VPS13B: variants seen among roughly 807,000 people sequenced by gnomAD.
VPS13B encodes vacuolar protein sorting 13 homolog B.
Under a neutral mutation model 426.4 loss-of-function variants are expected in VPS13B, and 285 were observed. The observed-to-expected ratio is 0.67, with a 90% CI of 0.61 to 0.74. The LOEUF (loss-of-function observed/expected upper bound fraction) is 0.74, where lower values mean the gene tolerates loss of function less well. Ranked by LOEUF, VPS13B falls within the 30% of genes least tolerant of loss-of-function variation. The pLI is 0.00. For missense variants in VPS13B, 4,537 were observed against 4,782.6 expected (o/e 0.95, Z 1.51); for synonymous variants, 1,676 against 1,676.4 (o/e 1.00, Z 0.01).
At chr8:99,189,659 TC>T (rs1398858103) in intron 16 of VPS13B, among the ~76,000 whole-genome samples, 1 of 152,170 alleles carries the variant, frequency 6.6e-6, no homozygotes. Context: ...AGTGTCCTTT[TC>T]TAATATTGTT....
Position 99,218,179 on chromosome 8 carries a change from T to G in VPS13B, c.2515+25122T>G, listed in dbSNP as rs1197432367. Among the ~76,000 whole-genome samples, 3 of 152,198 alleles carry G rather than the reference T, an allele frequency of 2.0e-5. No homozygotes were observed. In the South Asian group the frequency reaches 6.2e-4, roughly 32 times the overall value. On this transcript the variant is annotated intron_variant, in intron 17 of 61. Transcript: ENST00000357162. Reference sequence around the variant, plus strand: ...CAAACTGCAGCTTGCAGTGGCCTGGTCTTGTATTGCTTACAAGCTAAGAAT... The same window carrying G: ...CAAACTGCAGCTTGCAGTGGCCTGGGCTTGTATTGCTTACAAGCTAAGAAT...
intron 21 of VPS13B, among the ~76,000 whole-genome samples, chr8:99,409,787 A>G (rs541076481): frequency 2.0e-5 from 3 of 152,346 alleles, no homozygotes; most frequent in Admixed American, 1.3e-4. Flanking sequence ...CAATTCTTGT[A>G]TCAGGAATCA....
At chr8:99,686,067 TA>T (rs1423637023) in intron 35 of VPS13B, among the ~76,000 whole-genome samples, 1 of 152,228 alleles carries the variant, frequency 6.6e-6, no homozygotes, top group Non-Finnish European at 1.5e-5. Flanking sequence ...ATATCTGCAT[TA>T]GGGGGCACCC....
rs73702020 is a variant in VPS13B, at chr8:99,484,888, A to T, written c.3870+3086A>T. ...AAGAGATAATGCTTGTAAAATACTT[A>T]GTTTAGTGAGTACTCCAAAAGGGAA... On this transcript the variant is annotated intron_variant, in intron 25 of 61. Coordinates refer to ENST00000357162, the MANE Select transcript of VPS13B (RefSeq NM_152564.5). 4.2e-3 allele frequency among the ~76,000 whole-genome samples: 641 copies of T among 151,866 alleles called. 5 individuals carry two copies. Among genetic ancestry groups the T allele is most frequent in the African/African-American group, 0.014 (595 of 41,428 alleles).
chr8:99,833,364 A>C (rs1304832540), intron 52 of VPS13B, among the ~76,000 whole-genome samples: 1 of 152,226 alleles, frequency 6.6e-6, no homozygotes, highest in African/African-American at 2.4e-5. Flanking sequence ...AAGAAAACAT[A>C]TTGTGCCCTT....
intron 29 of VPS13B, among the ~76,000 whole-genome samples, chr8:99,520,104 T>C (rs1682062122): frequency 6.6e-6 from 1 of 152,150 alleles, no homozygotes; most frequent in African/African-American, 2.4e-5. Context: ...TTTTATTTAG[T>C]ACAAAAAAGA....
intron 21 of VPS13B, among the ~76,000 whole-genome samples, chr8:99,396,638 A>G (rs910238611): frequency 5.3e-5 from 8 of 150,940 alleles, no homozygotes; most frequent in Non-Finnish European, 1.2e-4. Context: ...TTTTTTTGCT[A>G]AGGAATTACT....
intron 16 of VPS13B, among the ~76,000 whole-genome samples, chr8:99,189,110 C>T (rs771722436): frequency 6.6e-5 from 10 of 151,810 alleles, no homozygotes; most frequent in East Asian, 1.9e-4. Context: ...CATGTTAGCC[C>T]GGCTAATTTT....
At chr8:99,671,081 T>C (rs1326834315) in intron 35 of VPS13B, among the ~76,000 whole-genome samples, 1 of 152,198 alleles carries the variant, frequency 6.6e-6, no homozygotes, top group Non-Finnish European at 1.5e-5. Context: ...ATAATGGCTG[T>C]ACCAATCTAT....
At chr8:99,185,359 C>T (rs1404248088) in intron 16 of VPS13B, among the ~76,000 whole-genome samples, 1 of 152,038 alleles carries the variant, frequency 6.6e-6, no homozygotes, top group African/African-American at 2.4e-5. Context: ...TTTTTTAAAA[C>T]TTTAAAAACT....
rs930144563 is a variant in VPS13B, at chr8:99,766,773, G to A, written c.7051-1G>A. ...TCTAAATTTTTTTTATTTTAACATA[G>A]GTTCCTTGTAGCTTGGAATACTGGG... On this transcript the variant is annotated splice_acceptor_variant, in intron 39 of 61. Transcript: ENST00000357162. LOFTEE classifies it high-confidence loss of function. 14 of 1,612,404 alleles carry A rather than the reference G, an allele frequency of 8.7e-6. No homozygotes were observed. Among genetic ancestry groups the A allele is most frequent in the Non-Finnish European group, 1.1e-5 (13 of 1,179,622 alleles).
At chr8:99,332,097 T>G (rs776764805) in intron 19 of VPS13B, among the ~76,000 whole-genome samples, 1 of 151,676 alleles carries the variant, frequency 6.6e-6, no homozygotes, top group Non-Finnish European at 1.5e-5. Flanking sequence ...AATTGTGAAT[T>G]TAATGGGGTT....
At chr8:99,091,516 T>C (rs1846147950) in intron 3 of VPS13B, among the ~76,000 whole-genome samples, 1 of 152,184 alleles carries the variant, frequency 6.6e-6, no homozygotes, top group South Asian at 2.1e-4. Flanking sequence ...TATATTCCTC[T>C]TTATTTAAGC....
intron 21 of VPS13B, among the ~76,000 whole-genome samples, chr8:99,399,494 ACT>A (rs1475449740): frequency 6.6e-6 from 1 of 151,572 alleles, no homozygotes; most frequent in Non-Finnish European, 1.5e-5. Flanking sequence ...CATTTCCTTA[ACT>A]CTGTTTTTTT....
rs886062535 is a variant in VPS13B, at chr8:99,115,823, G to A, written c.886G>A (p.Glu296Lys). Residue 296 changes from glutamate (E) to lysine (K), a missense_variant, in exon 7 of 62, where the codon GAA becomes AAA. Around this residue, in one of 2 missense-constraint regions of VPS13B, gnomAD observed 4,311 missense variants for 4,474.3 expected, o/e 0.96. Transcript: ENST00000357162. Reference sequence around the variant, plus strand: ...AGAAATAGGCAATTTTAAAGAAGGCGAAATAGAGGACCTTACTTGTCATAA... The same window carrying A: ...AGAAATAGGCAATTTTAAAGAAGGCAAAATAGAGGACCTTACTTGTCATAA... The part of the protein sequence containing the change: ...YGEIGNFKEG[E>K]IEDLTCHNKD... The A allele has an allele frequency of 1.2e-5, 19 of 1,613,472 alleles. No individual in the cohort carries two copies. Among genetic ancestry groups the A allele is most frequent in the Admixed American group, 3.3e-5 (2 of 59,974 alleles).
intron 33 of VPS13B, among the ~76,000 whole-genome samples, chr8:99,629,015 C>T (rs759120394): frequency 5.9e-5 from 9 of 152,166 alleles, no homozygotes; most frequent in Non-Finnish European, 1.2e-4. Context: ...CCTCCCATGT[C>T]AGCCTCCCAA....
At chr8:99,183,265 G>A (rs763762138) in intron 16 of VPS13B, among the ~76,000 whole-genome samples, 1 of 152,068 alleles carries the variant, frequency 6.6e-6, no homozygotes, top group Non-Finnish European at 1.5e-5. Context: ...ATTATGCCCC[G>A]CTGCTGCTCT....
At chr8:99,125,630 A>C (rs533643101) in intron 8 of VPS13B, among the ~76,000 whole-genome samples, 9 of 152,320 alleles carry the variant, frequency 5.9e-5, no homozygotes, top group African/African-American at 1.7e-4. Context: ...TGTAGGATAC[A>C]GGGGAGTTGA....
At chr8:99,022,437 C>T (rs1841944195) in intron 2 of VPS13B, among the ~76,000 whole-genome samples, 1 of 151,936 alleles carries the variant, frequency 6.6e-6, no homozygotes, top group Non-Finnish European at 1.5e-5. Flanking sequence ...TATTAATTAT[C>T]TTTCTGTTAC....
Sources: gnomAD v4.1 joint callset for allele counts (sites outside exome capture counted in the v4.1 genomes callset) on GRCh38, gnomAD v4.1.1 for gene constraint, gnomAD v4.1.1 regional missense constraint, MANE v1.5 for transcripts, NCBI Gene and HGNC (gene_info 2026-07-23, HGNC 2026-07-21) for gene names.